The following THAP4 variants were observed in gnomAD, a reference collection of about 807,000 sequenced individuals.
THAP4 encodes the protein THAP domain containing 4.
In THAP4, 18 loss-of-function variants were observed where a neutral mutation model predicts 48.1. The ratio of observed to expected loss-of-function variants is 0.37; its 90% CI spans 0.26 to 0.56. The LOEUF (loss-of-function observed/expected upper bound fraction) is 0.56. THAP4 is among the 20% of genes least tolerant of loss of function. THAP4 has a pLI of 0.78. For synonymous variants in THAP4, 345 were observed against 324.9 expected (o/e 1.06, Z -0.66); for missense variants, 656 against 774.9 (o/e 0.85, Z 1.82).
rs1026075110 is a variant in THAP4 at position 241,612,921 on chromosome 2, G to A, written c.1241-6448C>T. Among the ~76,000 whole-genome samples the A allele has an allele frequency of 4.6e-5, 7 of 152,300 alleles. No individual in the cohort carries two copies. In the South Asian group the frequency reaches 6.2e-4, roughly 14 times the overall value. ...GAGTGCGAGCTACAAACTAGATTCCGAAAACTCAGTCCAAAAAGTCTTCAA... is the reference window on the plus strand; with the variant it reads ...GAGTGCGAGCTACAAACTAGATTCCAAAAACTCAGTCCAAAAAGTCTTCAA... On this transcript the variant is annotated intron_variant, in intron 2 of 5. Transcript: ENST00000407315. This position sits in a 1 kb window ranked among gnomAD's most constrained non-coding sequence, Gnocchi z 4.1.
Position 241,632,928 on chromosome 2 carries a change from G to T in THAP4, c.1229C>A (p.Ser410Ter). 6.2e-7 allele frequency: 1 copy of T among 1,600,314 alleles called. No individual in the cohort carries two copies. The highest frequency in any genetic ancestry group is 1.1e-5 in the South Asian group (1 of 89,486). The change falls in exon 2 of 6, where the codon TCG becomes TAG. Residue 410 changes from serine to a stop codon, truncating the protein, a stop_gained. Coordinates refer to ENST00000407315, the MANE Select transcript of THAP4 (RefSeq NM_015963.6). LOFTEE classifies it high-confidence loss of function. The stretch of plus-strand genomic sequence containing the variant: ...GCTCCGGTACTGACCGCGGCTGGGC[G>T]ACAGCAGGCTACTTGGATAGGGGAC... The part of the protein sequence containing the change: ...VSVPYPSSLL[S>*]PSREPPKMNP...
chr2:241,602,545 T>C (rs2067128276), intron 4 of THAP4, among the ~76,000 whole-genome samples: 1 of 152,142 alleles, frequency 6.6e-6, no homozygotes, highest in Non-Finnish European at 1.5e-5. Flanking sequence ...TTTGTATTTT[T>C]AGTAGAGACG....
At chr2:241,607,320 C>T (rs572473882) in intron 2 of THAP4, among the ~76,000 whole-genome samples, 12 of 152,086 alleles carry the variant, frequency 7.9e-5, no homozygotes, top group African/African-American at 2.2e-4. Flanking sequence ...TGGGTGCTCC[C>T]GAGCGGCTTT....
intron 2 of THAP4, among the ~76,000 whole-genome samples, chr2:241,615,328 C>T (rs1349443827): frequency 1.3e-5 from 2 of 152,168 alleles, no homozygotes; most frequent in South Asian, 2.1e-4. Flanking sequence ...ATGCGAATTA[C>T]ACCTCAATAA....
At chr2:241,598,781 G>GA (rs1170572924) in intron 5 of THAP4, among the ~76,000 whole-genome samples, 1 of 152,036 alleles carries the variant, frequency 6.6e-6, no homozygotes, top group African/African-American at 2.4e-5. Flanking sequence ...AGACAAGGGG[G>GA]AAAAACAGAT....
At chr2:241,590,521 AGCTGCTCGGCTG>A (rs2066951505) in intron 5 of THAP4, among the ~76,000 whole-genome samples, 1 of 134,568 alleles carries the variant, frequency 7.4e-6, no homozygotes, top group Non-Finnish European at 1.5e-5. Flanking sequence ...GGACACACAG[AGCTGCTCGGCTG>A]ATGATGGGCA....
At chr2:241,587,500 G>A (rs866568173) in intron 5 of THAP4, among the ~76,000 whole-genome samples, 23 of 152,170 alleles carry the variant, frequency 1.5e-4, no homozygotes, top group African/African-American at 5.1e-4. Flanking sequence ...TCCAGCTTGT[G>A]GAGGGGACTT....
chr2:241,585,172 G>A (rs6437265), intron 5 of THAP4: 51,520 of 155,954 alleles, frequency 0.33, 8,891 homozygotes, highest in South Asian at 0.45. Context: ...CTGATGTCCA[G>A]TGTGTTCTTG....
intron 5 of THAP4, among the ~76,000 whole-genome samples, chr2:241,587,573 T>C (rs979432976): frequency 1.3e-5 from 2 of 152,236 alleles, no homozygotes; most frequent in African/African-American, 4.8e-5. Flanking sequence ...TTAGGCCATA[T>C]ACTGGGGCGT....
chr2:241,635,266 CAG>C (rs981583407), intron 1 of THAP4, among the ~76,000 whole-genome samples: 1 of 152,084 alleles, frequency 6.6e-6, no homozygotes, highest in African/African-American at 2.4e-5. Context: ...GCCTGGGTGA[CAG>C]AGTGGGACTC....
chr2:241,618,288 C>T (rs1169828636), intron 2 of THAP4, among the ~76,000 whole-genome samples: 1 of 152,086 alleles, frequency 6.6e-6, no homozygotes, highest in African/African-American at 2.4e-5. Flanking sequence ...GAAAATACAG[C>T]AAGTATTTCT....
At chr2:241,628,121 G>A (rs1212667554) in intron 2 of THAP4, among the ~76,000 whole-genome samples, 2 of 151,776 alleles carry the variant, frequency 1.3e-5, no homozygotes, top group Non-Finnish European at 2.9e-5. Context: ...CACTATCCTG[G>A]GGCACATCCA....
At chr2:241,586,779 G>T (rs960638631) in intron 5 of THAP4, among the ~76,000 whole-genome samples, 2 of 152,212 alleles carry the variant, frequency 1.3e-5, no homozygotes, top group African/African-American at 2.4e-5. Flanking sequence ...AATGGAAAAT[G>T]ATCAGTAGGA....
intron 3 of THAP4, among the ~76,000 whole-genome samples, chr2:241,604,679 G>A (rs1011160771): frequency 3.9e-5 from 6 of 152,038 alleles, no homozygotes; most frequent in African/African-American, 1.4e-4. Context: ...CAAAGTGCTG[G>A]GATTACAGGC....
At position 241,603,094 on chromosome 2, in the gene THAP4, G is replaced by A. The variant is rs1247981304; in HGVS notation, c.1401-15C>T. 2 of 1,607,708 alleles carry A rather than the reference G, an allele frequency of 1.2e-6. No individual in the cohort carries two copies. The highest frequency in any genetic ancestry group is 1.7e-6 in the Non-Finnish European group (2 of 1,174,502). ...AGGAGTTGAACCTGGACGGGAAGTT[G>A]GAGTTGAGAAGCCCAGGCACTGGCC... On this transcript the variant is annotated splice_polypyrimidine_tract_variant and intron_variant, in intron 3 of 5. Transcript: ENST00000407315.
chr2:241,620,767 TA>T (rs1271383683), intron 2 of THAP4, among the ~76,000 whole-genome samples: 1 of 151,794 alleles, frequency 6.6e-6, no homozygotes, highest in African/African-American at 2.4e-5. Context: ...CTAAATCGAT[TA>T]AAAAAAATTG....
intron 5 of THAP4, among the ~76,000 whole-genome samples, chr2:241,594,000 C>T (rs2067019110): frequency 4.6e-5 from 7 of 152,150 alleles, no homozygotes; most frequent in Admixed American, 4.6e-4. Context: ...TTCTTCTTAA[C>T]AGCCAAGATT....
chr2:241,590,380 G>A (rs2066947052), intron 5 of THAP4, among the ~76,000 whole-genome samples: 3 of 151,214 alleles, frequency 2.0e-5, no homozygotes, highest in African/African-American at 4.9e-5. Context: ...CCCGGCTGAT[G>A]ATGAGGGGCA....
At chr2:241,595,446 T>C (rs916623667) in intron 5 of THAP4, among the ~76,000 whole-genome samples, 3 of 152,024 alleles carry the variant, frequency 2.0e-5, no homozygotes, top group African/African-American at 7.2e-5. Flanking sequence ...AAGACCAGCC[T>C]GACCACCATG....
Sources: gnomAD v4.1 joint callset for allele counts (sites outside exome capture counted in the v4.1 genomes callset) on GRCh38, gnomAD v4.1.1 for gene constraint, Gnocchi (gnomAD v3.1) non-coding constraint, MANE v1.5 for transcripts, NCBI Gene and HGNC (gene_info 2026-07-23, HGNC 2026-07-21) for gene names.